Variants in GRIK5 observed in about 807,000 individuals in gnomAD.
GRIK5 encodes glutamate ionotropic receptor kainate type subunit 5.
A neutral mutation model predicts 97.4 loss-of-function variants in GRIK5; 43 were observed. That is an observed-to-expected ratio of 0.44 (90% CI 0.35 to 0.57). The LOEUF (loss-of-function observed/expected upper bound fraction) is 0.57, where lower values mean the gene tolerates loss of function less well. Ranked by LOEUF, GRIK5 falls within the 20% of genes least tolerant of loss-of-function variation. The probability of loss-of-function intolerance (pLI) is 0.01; values close to 1 mark genes in which losing one functional copy is unlikely to be tolerated. For missense variants in GRIK5, 1,015 were observed against 1,382.0 expected (o/e 0.73, Z 4.21); for synonymous variants, 580 against 583.5 (o/e 0.99, Z 0.09).
chr19:42,001,985 A>G, intron 19 of GRIK5: 4 of 611,864 alleles, frequency 6.5e-6, no homozygotes, highest in Non-Finnish European at 1.2e-5. Flanking sequence ...GAGAAACCCA[A>G]CGAGGGAGCC....
At position 42,065,751 on chromosome 19, in the gene GRIK5, A is replaced by T; in HGVS notation, c.20T>A (p.Leu7Gln). 1 of 1,592,910 alleles carries T rather than the reference A, an allele frequency of 6.3e-7. No homozygotes were observed. Among genetic ancestry groups the T allele is most frequent in the Non-Finnish European group, 8.5e-7 (1 of 1,171,682 alleles). ...GCTGGCGAAGGCAACAATCAGCAGC[A>T]GCAGCAGCTCAGCCGGCATCTTCCT... MPAELLLLLIVAFASPS... is the reference protein window; with the variant it reads MPAELLQLLIVAFASPS... Residue 7 changes from leucine (L) to glutamine (Q), a missense_variant, in exon 2 of 20, where the codon CTG becomes CAG. Around this residue, in one of 5 missense-constraint regions of GRIK5, gnomAD observed 198 missense variants for 218.2 expected, o/e 0.91. Coordinates refer to ENST00000593562, the MANE Select transcript of GRIK5 (RefSeq NM_002088.5). This position sits in a 1 kb window ranked among gnomAD's most constrained non-coding sequence, Gnocchi z 5.8.
chr19:42,011,414 G>A (rs573355919), intron 15 of GRIK5, among the ~76,000 whole-genome samples: 6 of 151,958 alleles, frequency 3.9e-5, no homozygotes, highest in East Asian at 2.0e-4. Context: ...TTAGCCAGGC[G>A]TGGTAGCGGG....
intron 6 of GRIK5, among the ~76,000 whole-genome samples, chr19:42,058,559 G>A (rs1430542297): frequency 6.7e-6 from 1 of 150,284 alleles, no homozygotes; most frequent in African/African-American, 2.4e-5. Context: ...CGGGTGTGGT[G>A]GCTCACGCCT....
Position 42,042,611 on chromosome 19 carries a change from A to T in GRIK5, c.1414T>A (p.Tyr472Asn). The T allele has an allele frequency of 6.2e-7, 1 of 1,612,930 alleles. No individual in the cohort carries two copies. The highest frequency in any genetic ancestry group is 8.5e-7 in the Non-Finnish European group (1 of 1,179,926). ...YRLRLVEDGLYGAPEPNGSWT... is the reference protein window; with the variant it reads ...YRLRLVEDGLNGAPEPNGSWT... ...GAGCCGTTGGGCTCGGGCGCCCCGTACAGCCCATCCTCCACCAACCGCAGG... is the reference window on the plus strand; with the variant it reads ...GAGCCGTTGGGCTCGGGCGCCCCGTTCAGCCCATCCTCCACCAACCGCAGG... The change falls in exon 12 of 20, where the codon TAC (tyrosine) becomes AAC (asparagine). Residue 472 changes from tyrosine (Y) to asparagine (N), a missense_variant. By Grantham distance (143) the Tyr-to-Asn change is moderately radical. This residue lies in a region of GRIK5 where 477 missense variants were observed against 701.1 expected (regional missense o/e 0.68). Transcript: ENST00000593562. This position sits in a 1 kb window ranked among gnomAD's most constrained non-coding sequence, Gnocchi z 6.9.
In GRIK5 at chr19:42,060,492, C is replaced by A. The variant is rs1336491314; in HGVS notation, c.509-965G>T. On this transcript the variant is annotated intron_variant, in intron 5 of 19. Coordinates refer to ENST00000593562, the MANE Select transcript of GRIK5 (RefSeq NM_002088.5). ...TTTAAATGAAATGGTGGGCGGGGGC[C>A]TCATTGAGACACTAGAGTAGAGACT... Among the ~76,000 whole-genome samples, 4 of 150,952 alleles carry A rather than the reference C, an allele frequency of 2.6e-5. No homozygotes were observed. The East Asian group carries it at 6.0e-4, about 23-fold the overall frequency.
In GRIK5 at chr19:42,056,752, G is replaced by A. The variant is rs759080880; in HGVS notation, c.813C>T (p.Asn271=). The A allele has an allele frequency of 1.9e-6, 3 of 1,614,032 alleles. No individual in the cohort carries two copies. The highest frequency in any genetic ancestry group is 2.2e-5 in the East Asian group (1 of 44,878). ...SSNILGFSMF[N]TSHPFYPEFV... is the part of the protein sequence containing the mutation. ...ACTCAGGGTAGAAGGGGTGGGACGT[G>A]TTGAACATGGAGAAGCCCAGGATGT... Residue 271 remains asparagine, a synonymous_variant, in exon 8 of 20, where the codon AAC becomes AAT. Transcript: ENST00000593562.
At chr19:42,004,228 T>G (rs1555871851) in intron 17 of GRIK5, among the ~76,000 whole-genome samples, 1 of 152,184 alleles carries the variant, frequency 6.6e-6, no homozygotes, top group African/African-American at 2.4e-5. Context: ...TATATGGCTA[T>G]GTGTTTATCA....
intron 12 of GRIK5, among the ~76,000 whole-genome samples, chr19:42,035,851 A>G (rs1042334682): frequency 6.6e-6 from 1 of 152,228 alleles, no homozygotes; most frequent in African/African-American, 2.4e-5. Flanking sequence ...TTTATCATTT[A>G]GTATTACATA....
rs1444797846 is a variant in GRIK5, at chr19:42,003,792, C to T, written c.2264-109G>A. On this transcript the variant is annotated intron_variant, in intron 17 of 19. Coordinates refer to ENST00000593562, the MANE Select transcript of GRIK5 (RefSeq NM_002088.5). The surrounding 1 kb of genome is among the most constrained non-coding windows in gnomAD (Gnocchi z 4.2). Reference sequence around the variant, plus strand: ...GGCCTTCCCCCGCCTCTACCACGTGCCCAGGGTCTTCCCTGCAGCCTCTCC... The same window carrying T: ...GGCCTTCCCCCGCCTCTACCACGTGTCCAGGGTCTTCCCTGCAGCCTCTCC... 4.8e-6 allele frequency: 6 copies of T among 1,239,720 alleles called. No homozygotes were observed. The African/African-American group carries it at 7.5e-5, about 16-fold the overall frequency. 76.8% of individuals were successfully genotyped at this position (1,239,720 alleles called of 1,614,324 possible).
chr19:42,037,886 T>C (rs1219807516), intron 12 of GRIK5, among the ~76,000 whole-genome samples: 2 of 152,198 alleles, frequency 1.3e-5, no homozygotes, highest in African/African-American at 4.8e-5. Flanking sequence ...GTGGGACAGC[T>C]AAGGCCCAGT....
chr19:42,054,424 C>T lies in GRIK5; in HGVS notation c.952G>A (p.Val318Ile). Reference sequence around the variant, plus strand: ...TCCTGGCTGCGGTTCAGCTCTCGGACAGCGCTCACCACCACGTGCACGGCG... The same window carrying T: ...TCCTGGCTGCGGTTCAGCTCTCGGATAGCGCTCACCACCACGTGCACGGCG... ...FDAVHVVVSA[V>I]RELNRSQEIG... Residue 318 changes from valine to isoleucine, a missense_variant, in exon 9 of 20, where the codon GTC (valine) becomes ATC (isoleucine). Physicochemically the swap from Val to Ile is conservative, Grantham distance 29. Around this residue, in one of 5 missense-constraint regions of GRIK5, gnomAD observed 477 missense variants for 701.1 expected, o/e 0.68. Transcript: ENST00000593562. The T allele has an allele frequency of 6.2e-7, 1 of 1,613,652 alleles. No homozygotes were observed.
At chr19:42,048,941 C>T (rs2076078069) in intron 11 of GRIK5, among the ~76,000 whole-genome samples, 1 of 151,744 alleles carries the variant, frequency 6.6e-6, no homozygotes, top group African/African-American at 2.4e-5. Flanking sequence ...ACTCAGGAGG[C>T]TGAGATAGGA....
Position 42,006,945 on chromosome 19 carries a change from A to G in GRIK5, c.1872-135T>C. ...AGACTCAGTGACTGCTGGGTGCAGA[A>G]GCGGGGAGTGTGGATTCTGAAGCCA... On this transcript the variant is annotated intron_variant, in intron 15 of 19. Transcript: ENST00000593562. This position sits in a 1 kb window ranked among gnomAD's most constrained non-coding sequence, Gnocchi z 5.3. 1 of 622,160 alleles carries G rather than the reference A, an allele frequency of 1.6e-6. No individual in the cohort carries two copies. The allele number at this position is 622,160 out of a possible 1,614,324, so 38.5% of individuals were successfully genotyped here. A position where few individuals can be genotyped will look rare whatever the true frequency, so the allele number is the denominator to read the frequency against.
rs1180971132 is a variant in GRIK5 at position 42,021,308 on chromosome 19, C to T, written c.1864G>A (p.Gly622Arg). 5 of 1,611,982 alleles carry T rather than the reference C, an allele frequency of 3.1e-6. No individual in the cohort carries two copies. Among genetic ancestry groups the T allele is most frequent in the Non-Finnish European group, 3.4e-6 (4 of 1,179,642 alleles). Residue 622 changes from glycine (G) to arginine (R), a missense_variant, in exon 15 of 20, where the codon GGA becomes AGA. Gly to Arg is a moderately radical substitution (Grantham distance 125). Coordinates refer to ENST00000593562, the MANE Select transcript of GRIK5 (RefSeq NM_002088.5). This position sits in a 1 kb window ranked among gnomAD's most constrained non-coding sequence, Gnocchi z 4.2. ...AGATAGAAAGCTTCTCACCAGACTCCGCTGACACAGCGCGTGGACAGCGCC... is the reference window on the plus strand; with the variant it reads ...AGATAGAAAGCTTCTCACCAGACTCTGCTGACACAGCGCGTGGACAGCGCC... ...PRALSTRCVSGVWWAFTLIII... is the reference protein window; with the variant it reads ...PRALSTRCVSRVWWAFTLIII...
intron 15 of GRIK5, among the ~76,000 whole-genome samples, chr19:42,009,391 C>T (rs1001419518): frequency 4.0e-5 from 6 of 151,628 alleles, no homozygotes; most frequent in Non-Finnish European, 8.8e-5. Context: ...TACAGGCACC[C>T]GCCACCATGC....
chr19:42,033,313 G>C (rs1051018058), intron 12 of GRIK5, among the ~76,000 whole-genome samples: 4 of 114,362 alleles, frequency 3.5e-5, no homozygotes, highest in Admixed American at 1.1e-4. Context: ...GCAAGACTCC[G>C]TCTCAAAAAA....
intron 15 of GRIK5, among the ~76,000 whole-genome samples, chr19:42,013,978 G>A (rs1180584350): frequency 8.8e-5 from 13 of 148,296 alleles, no homozygotes; most frequent in Non-Finnish European, 1.8e-4. Context: ...GCAGTGACCT[G>A]TGATCACACT....
At chr19:42,028,972 T>G (rs2075805067) in intron 12 of GRIK5, among the ~76,000 whole-genome samples, 1 of 152,190 alleles carries the variant, frequency 6.6e-6, no homozygotes, top group African/African-American at 2.4e-5. Flanking sequence ...GGCCCATGTC[T>G]ATAATCTCAG....
Position 42,053,805 on chromosome 19 carries a change from G to A in GRIK5, c.1161+20C>T, listed in dbSNP as rs770417805. 2.5e-5 allele frequency: 39 copies of A among 1,584,394 alleles called. No individual in the cohort carries two copies. Among genetic ancestry groups the A allele is most frequent in the East Asian group, 8.9e-5 (4 of 44,740 alleles). The stretch of plus-strand genomic sequence containing the variant: ...ACCCTCACCCCAGCAGGGCTCTGGC[G>A]TCACCCTGGGTCTGCTCACCTCACG... On this transcript the variant is annotated intron_variant, in intron 10 of 19. Transcript: ENST00000593562.
Sources: allele counts gnomAD v4.1 joint callset (sites outside exome capture counted in the v4.1 genomes callset), GRCh38; gene constraint gnomAD v4.1.1; regional missense constraint gnomAD v4.1.1; non-coding constraint Gnocchi (gnomAD v3.1); transcripts MANE v1.5; gene names NCBI Gene and HGNC (gene_info 2026-07-23, HGNC 2026-07-21).